ATP10B: variants seen among roughly 807,000 people sequenced by gnomAD.
ATP10B encodes ATPase phospholipid transporting 10B (putative).
In ATP10B, 122 loss-of-function variants were observed where a neutral mutation model predicts 141.2. The observed-to-expected ratio is 0.86, with a 90% CI of 0.75 to 1.00. ATP10B has a LOEUF of 1.00. Ranked by LOEUF, ATP10B falls within the 50% of genes least tolerant of loss-of-function variation. The pLI is 0.00. For synonymous variants in ATP10B, 685 were observed against 692.0 expected (o/e 0.99, Z 0.16); for missense variants, 1,876 against 1,825.3 (o/e 1.03, Z -0.51).
At chr5:160,852,332 T>C (rs1204178056), upstream of ATP10B, 3 of 152,218 alleles carry the variant, frequency 2.0e-5, no homozygotes, top group Non-Finnish European at 4.4e-5. Context: ...CTACTTCCTG[T>C]GAATCAATGA....
chr5:160,838,729 G>T (rs1019588175), intron 1 of ATP10B, among the ~76,000 whole-genome samples: 1 of 152,108 alleles, frequency 6.6e-6, no homozygotes, highest in African/African-American at 2.4e-5. Context: ...GGACATTTTT[G>T]ATGATGAAAT....
chr5:160,656,750 G>A (rs1761528264), intron 7 of ATP10B, among the ~76,000 whole-genome samples: 1 of 152,016 alleles, frequency 6.6e-6, no homozygotes, highest in Non-Finnish European at 1.5e-5. Flanking sequence ...TACAGGGTTA[G>A]AAGAACATCT....
chr5:160,589,487 T>C (rs1377902218), intron 24 of ATP10B, 105 bp downstream of exon 24: 1 of 869,642 alleles, frequency 1.1e-6, no homozygotes, highest in Non-Finnish European at 1.9e-6. Flanking sequence ...TTAGTATGTA[T>C]TTATTGAGTG....
chr5:160,627,404 C>T (rs575093581), intron 13 of ATP10B, among the ~76,000 whole-genome samples: 2 of 152,264 alleles, frequency 1.3e-5, no homozygotes, highest in African/African-American at 4.8e-5. Context: ...CAGTATATGC[C>T]ACAGAGTAGA....
At chr5:160,805,562 C>T (rs919700875) in intron 1 of ATP10B, among the ~76,000 whole-genome samples, 2 of 152,196 alleles carry the variant, frequency 1.3e-5, no homozygotes, top group African/African-American at 4.8e-5. Context: ...GGGTCACGCT[C>T]ACCTGGAAGG....
At chr5:160,888,796 A>G in the ATP10B span, among the ~76,000 whole-genome samples, 1 of 152,210 alleles carries the variant, frequency 6.6e-6, no homozygotes, top group Admixed American at 6.5e-5. Context: ...TCCAAAATCT[A>G]TGAACACTAG....
intron 1 of ATP10B, among the ~76,000 whole-genome samples, chr5:160,837,262 T>C (rs1001107004): frequency 2.0e-5 from 3 of 152,182 alleles, no homozygotes; most frequent in Admixed American, 1.3e-4. Context: ...GTGGGTCAGC[T>C]ACATATTGTT....
chr5:160,888,897 A>C, the ATP10B span, among the ~76,000 whole-genome samples: 1 of 152,204 alleles, frequency 6.6e-6, no homozygotes, highest in Non-Finnish European at 1.5e-5. Context: ...AATCCATTAA[A>C]AGTGTTGCTG....
chr5:160,709,247 T>G (rs530738013), intron 3 of ATP10B, among the ~76,000 whole-genome samples: 1 of 152,294 alleles, frequency 6.6e-6, no homozygotes, highest in African/African-American at 2.4e-5. Flanking sequence ...AATGAAAAAC[T>G]GATAAATCTC....
At chr5:160,857,970 A>G in the ATP10B span, among the ~76,000 whole-genome samples, 1 of 151,964 alleles carries the variant, frequency 6.6e-6, no homozygotes, top group African/African-American at 2.4e-5. Context: ...GAGAATGAAT[A>G]TTCTACTTTT....
chr5:160,661,435 A>G (rs1761904130), intron 7 of ATP10B, among the ~76,000 whole-genome samples: 1 of 152,224 alleles, frequency 6.6e-6, no homozygotes, highest in African/African-American at 2.4e-5. Context: ...ATTTTTAGGT[A>G]TGATAATATA....
intron 24 of ATP10B, among the ~76,000 whole-genome samples, chr5:160,571,098 A>G (rs1754848415): frequency 6.6e-6 from 1 of 152,104 alleles, no homozygotes. Context: ...CTGAGCTGGA[A>G]TCTTTCATCA....
In ATP10B at chr5:160,774,025, T is replaced by A. The variant is rs1359156544; in HGVS notation, c.-331+11534A>T. 2.0e-5 allele frequency among the ~76,000 whole-genome samples: 3 copies of A among 152,340 alleles called. No homozygotes were observed. The East Asian group carries it at 5.8e-4, about 29-fold the overall frequency. On this transcript the variant is annotated intron_variant, in intron 2 of 25. Transcript: ENST00000327245. Reference sequence around the variant, plus strand: ...GTAAATTTTCTTCTCCTCTGTTTATTCATATACAGACTCCCGATTTAGTGT... The same window carrying A: ...GTAAATTTTCTTCTCCTCTGTTTATACATATACAGACTCCCGATTTAGTGT...
At chr5:160,904,738 G>A in the ATP10B span, among the ~76,000 whole-genome samples, 390 of 152,282 alleles carry the variant, frequency 2.6e-3, 1 homozygote, top group African/African-American at 9.1e-3. Flanking sequence ...ATAATCATAG[G>A]AACGTGGGGG....
intron 24 of ATP10B, among the ~76,000 whole-genome samples, chr5:160,588,076 C>T (rs977472937): frequency 6.6e-6 from 1 of 152,172 alleles, no homozygotes; most frequent in Non-Finnish European, 1.5e-5. Context: ...TCTTGAACTT[C>T]TCACCTTGTG....
chr5:160,653,489 T>C lies in ATP10B; in HGVS notation c.676-4233A>G, dbSNP rs181591602. Among the ~76,000 whole-genome samples, 782 of 80,380 alleles carry C rather than the reference T, an allele frequency of 9.7e-3. 155 individuals carry two copies. Among genetic ancestry groups the C allele is most frequent in the African/African-American group, 0.03 (737 of 24,650 alleles). The allele number at this position is 80,380 out of a possible 152,430, so 52.7% of individuals were successfully genotyped here. A position where few individuals can be genotyped will look rare whatever the true frequency, so the allele number is the denominator to read the frequency against. ...TGTACATACATACATAGGTAGTATA[T>C]ATACATATGTACATATATACATAGG... On this transcript the variant is annotated intron_variant, in intron 7 of 25. Coordinates refer to ENST00000327245, the MANE Select transcript of ATP10B (RefSeq NM_025153.3).
chr5:160,651,453 T>A (rs73818279), intron 7 of ATP10B, among the ~76,000 whole-genome samples: 1 of 152,180 alleles, frequency 6.6e-6, no homozygotes, highest in East Asian at 1.9e-4. Flanking sequence ...CGTTTCTTCA[T>A]CTGTAGAATG....
intron 2 of ATP10B, among the ~76,000 whole-genome samples, chr5:160,722,470 T>C (rs1028320770): frequency 2.0e-5 from 3 of 152,196 alleles, no homozygotes; most frequent in Non-Finnish European, 2.9e-5. Context: ...ATGGACTTGG[T>C]TGCTACCTTA....
chr5:160,929,266 G>A, the ATP10B span, among the ~76,000 whole-genome samples: 5 of 152,180 alleles, frequency 3.3e-5, no homozygotes, highest in East Asian at 3.8e-4. Flanking sequence ...AGGGAGGGTT[G>A]GCACTCCTTG....
Sources: allele counts gnomAD v4.1 joint callset (sites outside exome capture counted in the v4.1 genomes callset), GRCh38; gene constraint gnomAD v4.1.1; transcripts MANE v1.5; gene names NCBI Gene and HGNC (gene_info 2026-07-23, HGNC 2026-07-21).